Variants in DST observed in about 807,000 individuals in gnomAD.
DST encodes bullous pemphigoid antigen.
Under a neutral mutation model 875.2 loss-of-function variants are expected in DST, and 253 were observed. The observed-to-expected ratio is 0.29, with a 90% CI of 0.26 to 0.32. The LOEUF is 0.32. DST is among the 10% of genes least tolerant of loss of function. DST has a pLI of 1.00. For synonymous variants in DST, 3,124 were observed against 3,197.1 expected, an observed-to-expected ratio of 0.98 and a Z score of 0.77; for missense variants, 8,287 against 9,111.6, an observed-to-expected ratio of 0.91 and a Z score of 3.68.
At chr6:56,932,001 T>C (rs1014921267) in intron 2 of DST, among the ~76,000 whole-genome samples, 2 of 152,034 alleles carry the variant, frequency 1.3e-5, no homozygotes, top group Admixed American at 1.3e-4. Flanking sequence ...GAGGACAGGA[T>C]TGGTTTTGAA....
chr6:56,498,570 T>C (rs1350434010), intron 80 of DST, among the ~76,000 whole-genome samples: 1 of 152,168 alleles, frequency 6.6e-6, no homozygotes, highest in Non-Finnish European at 1.5e-5. Context: ...AATTAAAAGG[T>C]TCTAAAATTT....
intron 3 of DST, among the ~76,000 whole-genome samples, chr6:56,876,299 C>T (rs1283542222): frequency 1.3e-5 from 2 of 152,288 alleles, no homozygotes; most frequent in South Asian, 2.1e-4. Context: ...TTCCTAGCCT[C>T]CTGAGTTCAA....
chr6:56,476,235 A>G lies in DST; in HGVS notation c.21778T>C (p.Trp7260Arg). 1 of 1,611,868 alleles carries G rather than the reference A, an allele frequency of 6.2e-7. No individual in the cohort carries two copies. The highest frequency in any genetic ancestry group is 8.5e-7 in the Non-Finnish European group (1 of 1,178,970). ...TTATCAGTAAGTGTAGTTTCAGCCC[A>G]TTGCAACCAAGCCAGCAAAGCTTCC... ...LLEALLAWLQ[W>R]AETTLTDKDK... Residue 7260 changes from tryptophan (W) to arginine (R), a missense_variant, in exon 92 of 104, where the codon TGG becomes CGG. This residue lies in a region of DST where 1,292 missense variants were observed against 1,552.7 expected (regional missense o/e 0.83). Coordinates refer to ENST00000680361, the MANE Select transcript of DST (RefSeq NM_001374736.1).
rs115473902 is a variant in DST, at chr6:56,616,262, T to C, written c.4930-1778A>G. Reference sequence around the variant, plus strand: ...TCCCTGCTCTATAGCCTCATTAATATTGAAGTGTAATCCTGTTTTAGTATC... The same window carrying C: ...TCCCTGCTCTATAGCCTCATTAATACTGAAGTGTAATCCTGTTTTAGTATC... On this transcript the variant is annotated intron_variant, in intron 36 of 103. Transcript: ENST00000680361. The C allele has an allele frequency of 5.5e-4, 885 of 1,614,128 alleles. 3 individuals are homozygous for C. The African/African-American group carries it at 9.8e-3, about 18-fold the overall frequency.
At chr6:56,598,353 C>A in intron 46 of DST, 123 bp downstream of exon 46, 1 of 630,624 alleles carries the variant, frequency 1.6e-6, no homozygotes. Context: ...ACCTGGAAAC[C>A]CAGAATCCCA....
At chr6:56,459,378 G>A in intron 103 of DST, 111 bp from the exon 104 acceptor site, 1 of 1,170,758 alleles carries the variant, frequency 8.5e-7, no homozygotes, top group South Asian at 1.6e-5. Flanking sequence ...GTGTGTAGTA[G>A]GCACTCAGAA....
chr6:56,885,367 C>T lies in DST; in HGVS notation c.417+15054G>A, dbSNP rs371452408. 1.3e-4 allele frequency among the ~76,000 whole-genome samples: 20 copies of T among 152,294 alleles called. No homozygotes were observed. The South Asian group carries it at 1.9e-3, about 14-fold the overall frequency. On this transcript the variant is annotated intron_variant, in intron 3 of 103. Transcript: ENST00000680361. ...GGAATAGTTGGCTCATATGATAATG[C>T]TATTTTTTAATTTTTGAAGACCTAC...
rs9382658 is a variant in DST at position 56,606,604 on chromosome 6, G to A, written c.8024C>T (p.Pro2675Leu). The A allele has an allele frequency of 0.39, 630,092 of 1,613,046 alleles. 125,668 individuals are homozygous for A. The highest frequency in any genetic ancestry group is 0.49 in the African/African-American group (36,413 of 74,890). Residue 2675 changes from proline (P) to leucine (L), a missense_variant, in exon 40 of 104, where the codon CCA becomes CTA. Physicochemically the swap from Pro to Leu is moderately conservative, Grantham distance 98. Around this residue, in one of 10 missense-constraint regions of DST, gnomAD observed 3,138 missense variants for 3,116.6 expected, o/e 1.01. Transcript: ENST00000680361. ...NENSMVPQGAPVGSLSVKNKA... is the reference protein window; with the variant it reads ...NENSMVPQGALVGSLSVKNKA... Reference sequence around the variant, plus strand: ...GTTCTTCACACTTAAGCTACCAACTGGTGCCCCCTGGGGAACCATGGAATT... The same window carrying A: ...GTTCTTCACACTTAAGCTACCAACTAGTGCCCCCTGGGGAACCATGGAATT...
intron 36 of DST, chr6:56,617,012 G>T: frequency 6.2e-7 from 1 of 1,610,980 alleles, no homozygotes; most frequent in South Asian, 1.1e-5. Flanking sequence ...TGAGGCAAAT[G>T]AAATCTTTTC....
chr6:56,642,678 A>T, intron 15 of DST, 175 bp from the exon 16 acceptor site: 1 of 1,614,174 alleles, frequency 6.2e-7, no homozygotes, highest in Non-Finnish European at 8.5e-7. Flanking sequence ...TCAGTGTTGG[A>T]CCACAATGAA....
chr6:56,923,463 C>CAAAAAAAAAAAA (rs57118743), intron 2 of DST, among the ~76,000 whole-genome samples: 1 of 48,714 alleles, frequency 2.1e-5, no homozygotes, highest in Non-Finnish European at 4.2e-5. Context: ...GGCTCACTGG[C>CAAAAAAAAAAAA]AAAAAAAAAA....
chr6:56,520,457 T>A (rs138587266), intron 69 of DST, among the ~76,000 whole-genome samples: 1 of 152,088 alleles, frequency 6.6e-6, no homozygotes, highest in African/African-American at 2.4e-5. Flanking sequence ...ATTCTTGTGG[T>A]GAGGGGAATA....
In DST at chr6:56,601,440, A is replaced by G; in HGVS notation, c.11541+3T>C. 1 of 1,576,376 alleles carries G rather than the reference A, an allele frequency of 6.3e-7. No individual in the cohort carries two copies. The highest frequency in any genetic ancestry group is 8.6e-7 in the Non-Finnish European group (1 of 1,158,624). ...AATGCCAACTCCACGAAGAAAGGCA[A>G]ACCTTCTGATCATCAAGATCTTGTT... On this transcript the variant is annotated splice_donor_region_variant and intron_variant, in intron 44 of 103. Coordinates refer to ENST00000680361, the MANE Select transcript of DST (RefSeq NM_001374736.1).
In DST at chr6:56,704,346, G is replaced by A; in HGVS notation, c.711C>T (p.Leu237=). The part of the protein sequence containing the change: ...LMKVRKHVND[L]YEDLRDGHNL... ...TGTGTCCATCCCTTAAGTCTTCATA[G>A]AGATCATTCACATGTTTTCGAACCT... Residue 237 remains leucine (L), a synonymous_variant, in exon 6 of 104, where the codon CTC becomes CTT. Coordinates refer to ENST00000680361, the MANE Select transcript of DST (RefSeq NM_001374736.1). 6.4e-7 allele frequency: 1 copy of A among 1,571,834 alleles called. No individual in the cohort carries two copies. The highest frequency in any genetic ancestry group is 8.6e-7 in the Non-Finnish European group (1 of 1,157,028).
rs1293002911 is a variant in DST at position 56,895,134 on chromosome 6, G to A, written c.417+5287C>T. ...CAGAGGAGCCCCTCACCTCCCGGAC[G>A]GGGAGGCTGGCCGGGCGGGGGGCTG... is the stretch of plus-strand genomic sequence containing the variant. On this transcript the variant is annotated intron_variant, in intron 3 of 103. Transcript: ENST00000680361. Among the ~76,000 whole-genome samples the A allele has an allele frequency of 1.4e-4, 12 of 84,500 alleles. 2 individuals are homozygous for A. The highest frequency in any genetic ancestry group is 1.9e-4 in the Admixed American group (2 of 10,516). 55.4% of individuals were successfully genotyped at this position (84,500 alleles called of 152,430 possible).
At chr6:56,813,551 A>C (rs2099763199) in intron 4 of DST, among the ~76,000 whole-genome samples, 1 of 152,066 alleles carries the variant, frequency 6.6e-6, no homozygotes, top group Non-Finnish European at 1.5e-5. Flanking sequence ...ACCTACCAAC[A>C]GTTATTCCTT....
chr6:56,538,740 C>G (rs1166061493), intron 61 of DST, among the ~76,000 whole-genome samples: 1 of 152,140 alleles, frequency 6.6e-6, no homozygotes, highest in Non-Finnish European at 1.5e-5. Context: ...AATTTCCATA[C>G]TGGCAGTTTA....
intron 4 of DST, among the ~76,000 whole-genome samples, chr6:56,821,976 C>T (rs1414704379): frequency 2.0e-5 from 3 of 151,972 alleles, no homozygotes; most frequent in South Asian, 2.1e-4. Context: ...ACTTTATCCA[C>T]GTTTATTAAG....
intron 4 of DST, among the ~76,000 whole-genome samples, chr6:56,823,383 T>C (rs1591199119): frequency 6.6e-6 from 1 of 152,198 alleles, no homozygotes. Flanking sequence ...AAAGAAATTA[T>C]GTAGCATGAA....
Sources: allele counts gnomAD v4.1 joint callset (sites outside exome capture counted in the v4.1 genomes callset), GRCh38; gene constraint gnomAD v4.1.1; regional missense constraint gnomAD v4.1.1; transcripts MANE v1.5; gene names NCBI Gene and HGNC (gene_info 2026-07-23, HGNC 2026-07-21).